EXTL3: variants seen among roughly 807,000 people sequenced by gnomAD.
The protein encoded by EXTL3 is exostosin-like 3.
A neutral mutation model predicts 69.3 loss-of-function variants in EXTL3; 27 were observed. The ratio of observed to expected loss-of-function variants is 0.39; its 90% CI spans 0.29 to 0.54. The LOEUF (loss-of-function observed/expected upper bound fraction) is 0.54, where lower values mean the gene tolerates loss of function less well. Among genes scored for constraint, EXTL3 ranks in the 20% least tolerant of loss-of-function variants. EXTL3 has a pLI of 0.69. For missense variants in EXTL3, 1,003 were observed against 1,231.8 expected, an observed-to-expected ratio of 0.81 and a Z score of 2.78; for synonymous variants, 511 against 499.4, an observed-to-expected ratio of 1.02 and a Z score of -0.31.
chr8:28,619,175 C>A (rs1454563355), upstream of EXTL3, among the ~76,000 whole-genome samples: 1 of 142,914 alleles, frequency 7.0e-6, no homozygotes, highest in Non-Finnish European at 1.5e-5. Flanking sequence ...TTTCCCTGCT[C>A]TAACAGGAGA....
intron 4 of EXTL3, among the ~76,000 whole-genome samples, chr8:28,733,180 G>A (rs1264991844): frequency 1.3e-5 from 2 of 151,990 alleles, no homozygotes; most frequent in Non-Finnish European, 2.9e-5. Context: ...GAGTAATGTG[G>A]GTGGATCATG....
At chr8:28,676,844 C>T (rs947089251) in intron 1 of EXTL3, among the ~76,000 whole-genome samples, 1 of 152,148 alleles carries the variant, frequency 6.6e-6, no homozygotes, top group Non-Finnish European at 1.5e-5. Flanking sequence ...TGTGTTGAAA[C>T]AGATTCTTGG....
At chr8:28,639,669 C>T (rs1806713030) in intron 1 of EXTL3, among the ~76,000 whole-genome samples, 1 of 152,222 alleles carries the variant, frequency 6.6e-6, no homozygotes, top group Non-Finnish European at 1.5e-5. Flanking sequence ...CTGAGTCCCT[C>T]CTGACAGCTG....
chr8:28,664,495 T>A (rs1262047044), intron 1 of EXTL3, among the ~76,000 whole-genome samples: 2 of 152,206 alleles, frequency 1.3e-5, no homozygotes, highest in Non-Finnish European at 2.9e-5. Flanking sequence ...TGGGGTCTTT[T>A]TTCATTTTGA....
At chr8:28,706,336 G>A (rs2130712875) in intron 1 of EXTL3, among the ~76,000 whole-genome samples, 1 of 152,248 alleles carries the variant, frequency 6.6e-6, no homozygotes, top group Non-Finnish European at 1.5e-5. Flanking sequence ...TAACACAAGA[G>A]TACCTGCCAC....
At chr8:28,642,114 C>T (rs1043649151) in intron 1 of EXTL3, among the ~76,000 whole-genome samples, 15 of 152,112 alleles carry the variant, frequency 9.9e-5, no homozygotes, top group African/African-American at 3.6e-4. Context: ...GGATTACAGG[C>T]GTGAGCCACC....
intron 1 of EXTL3, among the ~76,000 whole-genome samples, chr8:28,643,882 G>A (rs999566817): frequency 1.3e-5 from 2 of 151,696 alleles, no homozygotes; most frequent in African/African-American, 4.8e-5. Flanking sequence ...CCTCCCCCCT[G>A]AGCCTCCTGA....
intron 2 of EXTL3, among the ~76,000 whole-genome samples, chr8:28,612,411 GC>G (rs1273581090): frequency 6.6e-6 from 1 of 151,212 alleles, no homozygotes; most frequent in Non-Finnish European, 1.5e-5. Flanking sequence ...CCGAGATCAT[GC>G]CATTGCACTC....
intron 4 of EXTL3, among the ~76,000 whole-genome samples, chr8:28,735,453 G>C (rs1801630868): frequency 6.6e-6 from 1 of 152,184 alleles, no homozygotes; most frequent in African/African-American, 2.4e-5. Context: ...TTTTCCAGCA[G>C]ATTTGCAGGT....
At chr8:28,655,882 A>G (rs1347321652) in intron 1 of EXTL3, among the ~76,000 whole-genome samples, 4 of 152,216 alleles carry the variant, frequency 2.6e-5, no homozygotes, top group African/African-American at 7.2e-5. Flanking sequence ...CAACCTGGTC[A>G]TGATGGCGGC....
chr8:28,646,401 G>T (rs953997616), intron 1 of EXTL3, among the ~76,000 whole-genome samples: 1 of 152,152 alleles, frequency 6.6e-6, no homozygotes, highest in Non-Finnish European at 1.5e-5. Flanking sequence ...AGGTGACTTG[G>T]ATTTTGTTTA....
rs1415056057 is a variant in EXTL3, at chr8:28,640,783, G to T, written c.-53+17973G>T. 2.0e-5 allele frequency among the ~76,000 whole-genome samples: 3 copies of T among 151,928 alleles called. No individual in the cohort carries two copies. The East Asian group carries it at 5.8e-4, about 29-fold the overall frequency. On this transcript the variant is annotated intron_variant, in intron 1 of 6. Transcript: ENST00000523149. ...ACACCCGGCTAATTTTTATATTTTT[G>T]TGGAGATGGGGTCTCAATATGTTAC...
At chr8:28,705,999 T>TGCA (rs1338754016) in intron 1 of EXTL3, among the ~76,000 whole-genome samples, 1 of 152,242 alleles carries the variant, frequency 6.6e-6, no homozygotes, top group Non-Finnish European at 1.5e-5. Context: ...CATGTTATAC[T>TGCA]GCATATATGG....
chr8:28,718,349 C>T, intron 3 of EXTL3, 142 bp downstream of exon 3: 1 of 867,332 alleles, frequency 1.2e-6, no homozygotes, highest in Non-Finnish European at 1.9e-6. Flanking sequence ...TGTATAGATT[C>T]CTTTCTTCCT....
intron 1 of EXTL3, among the ~76,000 whole-genome samples, chr8:28,658,762 G>A (rs755406143): frequency 4.6e-5 from 7 of 152,116 alleles, no homozygotes; most frequent in African/African-American, 9.7e-5. Flanking sequence ...TGTATTTTTA[G>A]TAGAGATGGG....
chr8:28,615,137 T>A (rs533476110), intron 2 of EXTL3, among the ~76,000 whole-genome samples: 11 of 152,346 alleles, frequency 7.2e-5, no homozygotes, highest in African/African-American at 2.6e-4. Context: ...TCCTTTCTTT[T>A]ACGTTTCTTA....
intron 1 of EXTL3, among the ~76,000 whole-genome samples, chr8:28,690,214 T>A (rs1238873709): frequency 6.6e-6 from 1 of 152,172 alleles, no homozygotes; most frequent in Non-Finnish European, 1.5e-5. Context: ...TCTCTCTTTC[T>A]TTCTTTTTTC....
chr8:28,649,282 TG>T (rs1357515807), intron 1 of EXTL3, among the ~76,000 whole-genome samples: 2 of 152,244 alleles, frequency 1.3e-5, no homozygotes. Flanking sequence ...CTGCAATTGC[TG>T]GGCTTAGTGA....
In EXTL3 at chr8:28,713,550, G is replaced by T; in HGVS notation, c.-476G>T. On this transcript the variant is annotated splice_region_variant and 5_prime_UTR_variant, in exon 2 of 7. The change abolishes an upstream ATG in the 5' untranslated region. Transcript: ENST00000220562. ...AGGAAGGAAGGGTCCTGAAACACATGGTGAGGAAGGAATGAGTCAGCTGGA... is the reference window on the plus strand; with the variant it reads ...AGGAAGGAAGGGTCCTGAAACACATTGTGAGGAAGGAATGAGTCAGCTGGA... 1 of 702,076 alleles carries T rather than the reference G, an allele frequency of 1.4e-6. No homozygotes were observed. The highest frequency in any genetic ancestry group is 1.5e-5 in the South Asian group (1 of 67,538). The allele number at this position is 702,076 out of a possible 1,614,324, so 43.5% of individuals were successfully genotyped here.
Sources: gnomAD v4.1 joint callset for allele counts (sites outside exome capture counted in the v4.1 genomes callset) on GRCh38, gnomAD v4.1.1 for gene constraint, MANE v1.5 for transcripts, NCBI Gene and HGNC (gene_info 2026-07-23, HGNC 2026-07-21) for gene names.